Variants in KAZN observed in about 807,000 individuals in gnomAD.
The protein encoded by KAZN is kazrin, periplakin interacting protein.
KAZN carries 40 observed loss-of-function variants against 87.4 expected under a neutral mutation model. That is an observed-to-expected ratio of 0.46 (90% CI 0.36 to 0.60). The LOEUF (loss-of-function observed/expected upper bound fraction) is 0.60. KAZN is among the 20% of genes least tolerant of loss of function. KAZN has a pLI of 0.00. For synonymous variants in KAZN, 466 were observed against 458.3 expected, an observed-to-expected ratio of 1.02 and a Z score of -0.22; for missense variants, 898 against 1,073.9, an observed-to-expected ratio of 0.84 and a Z score of 2.29.
chr1:14,680,228 C>G (rs891934014), intron 1 of KAZN, among the ~76,000 whole-genome samples: 1 of 152,132 alleles, frequency 6.6e-6, no homozygotes, highest in Non-Finnish European at 1.5e-5. Flanking sequence ...AGTGCATACA[C>G]TGATGGTAAT....
intron 1 of KAZN, among the ~76,000 whole-genome samples, chr1:14,159,423 G>A (rs895538666): frequency 6.6e-6 from 1 of 152,166 alleles, no homozygotes; most frequent in Non-Finnish European, 1.5e-5. Flanking sequence ...CTAGACTACC[G>A]CTGATGTTCT....
At chr1:13,918,938 G>GT (rs899202156) in intron 1 of KAZN, among the ~76,000 whole-genome samples, 38 of 151,400 alleles carry the variant, frequency 2.5e-4, no homozygotes, top group South Asian at 1.3e-3. Flanking sequence ...GTGTTAAAAT[G>GT]TTTTTTTTTC....
intron 2 of KAZN, among the ~76,000 whole-genome samples, chr1:14,193,133 T>A (rs1646455861): frequency 6.6e-6 from 1 of 152,164 alleles, no homozygotes; most frequent in South Asian, 2.1e-4. Flanking sequence ...CCTGCCGCCT[T>A]GTGAAGAAGG....
intron 1 of KAZN, among the ~76,000 whole-genome samples, chr1:13,946,962 C>T (rs1346333356): frequency 6.6e-6 from 1 of 152,184 alleles, no homozygotes; most frequent in Non-Finnish European, 1.5e-5. Context: ...GCTGCATTCT[C>T]TCTGGAGGCT....
intron 1 of KAZN, among the ~76,000 whole-genome samples, chr1:14,118,796 A>G (rs1644686396): frequency 6.6e-6 from 1 of 152,214 alleles, no homozygotes; most frequent in African/African-American, 2.4e-5. Flanking sequence ...GGTGGATTGC[A>G]ACACTAATTA....
chr1:14,541,493 G>A (rs1672808497), intron 2 of KAZN, among the ~76,000 whole-genome samples: 1 of 152,198 alleles, frequency 6.6e-6, no homozygotes, highest in South Asian at 2.1e-4. Flanking sequence ...AGTGTGGAAA[G>A]GCACCCGGGG....
At chr1:14,970,429 A>T (rs925215313) in intron 2 of KAZN, among the ~76,000 whole-genome samples, 2 of 152,192 alleles carry the variant, frequency 1.3e-5, no homozygotes, top group African/African-American at 2.4e-5. Flanking sequence ...TGTTTCCAGA[A>T]CCTGCCCTGA....
At chr1:14,213,070 A>G (rs969386399) in intron 2 of KAZN, among the ~76,000 whole-genome samples, 5 of 152,172 alleles carry the variant, frequency 3.3e-5, no homozygotes, top group Non-Finnish European at 7.3e-5. Context: ...ACATACCTGT[A>G]TTTAGCATCC....
At chr1:14,999,557 G>A (rs543209944) in intron 2 of KAZN, among the ~76,000 whole-genome samples, 4 of 146,802 alleles carry the variant, frequency 2.7e-5, no homozygotes, top group African/African-American at 7.9e-5. Context: ...TGAGGCCTTC[G>A]GAAATGGCTT....
At chr1:14,550,325 T>C (rs1235741893) in intron 2 of KAZN, among the ~76,000 whole-genome samples, 1 of 151,856 alleles carries the variant, frequency 6.6e-6, no homozygotes, top group Non-Finnish European at 1.5e-5. Flanking sequence ...CAAAAGAGAA[T>C]GGAACGGGGG....
intron 2 of KAZN, among the ~76,000 whole-genome samples, chr1:14,221,475 A>G (rs1219578329): frequency 6.6e-6 from 1 of 152,158 alleles, no homozygotes; most frequent in Non-Finnish European, 1.5e-5. Flanking sequence ...CTTTCTACAT[A>G]GATAAGTTGC....
chr1:14,973,229 CA>C (rs1665263253), intron 2 of KAZN, among the ~76,000 whole-genome samples: 1 of 152,222 alleles, frequency 6.6e-6, no homozygotes, highest in Non-Finnish European at 1.5e-5. Context: ...CTCATTCATT[CA>C]GCAGATACTT....
chr1:14,947,650 T>A (rs148263490), intron 1 of KAZN, among the ~76,000 whole-genome samples: 62 of 151,154 alleles, frequency 4.1e-4, no homozygotes, highest in African/African-American at 1.3e-3. Flanking sequence ...GATCCAGCTG[T>A]GCCACCTGGA....
At chr1:14,867,448 G>A (rs1651595067) in intron 1 of KAZN, among the ~76,000 whole-genome samples, 1 of 152,166 alleles carries the variant, frequency 6.6e-6, no homozygotes, top group Non-Finnish European at 1.5e-5. Flanking sequence ...TAGAGTTACC[G>A]TTGGGTTCAG....
Position 15,029,469 on chromosome 1 carries a change from A to G in KAZN, c.419-5280A>G, listed in dbSNP as rs573935247. Among the ~76,000 whole-genome samples the G allele has an allele frequency of 3.3e-5, 5 of 152,298 alleles. No homozygotes were observed. The East Asian group carries it at 9.6e-4, about 29-fold the overall frequency. On this transcript the variant is annotated intron_variant, in intron 2 of 14. Transcript: ENST00000376030. Reference sequence around the variant, plus strand: ...CAGGAGGCATAGCCTGCACCCCACCATGGAGGCAGCCCACACGTTGCACAC... The same window carrying G: ...CAGGAGGCATAGCCTGCACCCCACCGTGGAGGCAGCCCACACGTTGCACAC...
chr1:14,852,991 C>A (rs1283228913), intron 1 of KAZN, among the ~76,000 whole-genome samples: 1 of 152,164 alleles, frequency 6.6e-6, no homozygotes, highest in East Asian at 1.9e-4. Context: ...AGGTGAGGAA[C>A]CTGAGATTCT....
At chr1:14,292,785 A>G (rs975582117) in intron 2 of KAZN, among the ~76,000 whole-genome samples, 1 of 152,214 alleles carries the variant, frequency 6.6e-6, no homozygotes, top group Non-Finnish European at 1.5e-5. Flanking sequence ...CTGATGGATG[A>G]GCTGGAGAGC....
chr1:14,475,057 T>C (rs1350466444), intron 2 of KAZN, among the ~76,000 whole-genome samples: 3 of 152,066 alleles, frequency 2.0e-5, no homozygotes, highest in East Asian at 1.9e-4. Flanking sequence ...ATTGGATGGA[T>C]GGATGGATAG....
chr1:14,226,508 C>T (rs537524902), intron 2 of KAZN, among the ~76,000 whole-genome samples: 10 of 152,140 alleles, frequency 6.6e-5, no homozygotes, highest in Non-Finnish European at 1.2e-4. Context: ...TCTCAGAGAA[C>T]TTAAAATAGA....
Sources: allele counts gnomAD v4.1 joint callset (sites outside exome capture counted in the v4.1 genomes callset), GRCh38; gene constraint gnomAD v4.1.1; transcripts MANE v1.5; gene names NCBI Gene and HGNC (gene_info 2026-07-23, HGNC 2026-07-21).